CACNG2: variants seen among roughly 807,000 people sequenced by gnomAD.
CACNG2 encodes calcium voltage-gated channel auxiliary subunit gamma 2, also known as voltage-dependent calcium channel gamma-2 subunit.
A neutral mutation model predicts 25.9 loss-of-function variants in CACNG2; 3 were observed. The ratio of observed to expected loss-of-function variants is 0.12; its 90% CI spans 0.05 to 0.30. The LOEUF is 0.30. Among genes scored for constraint, CACNG2 ranks in the 10% least tolerant of loss-of-function variants. The pLI, the probability that CACNG2 is intolerant of heterozygous loss-of-function variation, is 1.00. For synonymous variants in CACNG2, 167 were observed against 173.3 expected, an observed-to-expected ratio of 0.96 and a Z score of 0.29; for missense variants, 341 against 432.5, an observed-to-expected ratio of 0.79 and a Z score of 1.88.
rs2145902944 is a variant in CACNG2 at position 36,564,262 on chromosome 22, T to A, written c.*89A>T. The A allele has an allele frequency of 8.5e-7, 1 of 1,181,102 alleles. No individual in the cohort carries two copies. Among genetic ancestry groups the A allele is most frequent in the East Asian group, 2.6e-5 (1 of 37,816 alleles). 73.2% of individuals were successfully genotyped at this position (1,181,102 alleles called of 1,614,324 possible). On this transcript the variant is annotated 3_prime_UTR_variant, in exon 4 of 4. Coordinates refer to ENST00000300105, the MANE Select transcript of CACNG2 (RefSeq NM_006078.5). This position sits in a 1 kb window ranked among gnomAD's most constrained non-coding sequence, Gnocchi z 6.7. ...TTTTTGTTTTTGCTTTTGGAAGGTC[T>A]CCCAGCGGAGGGTCTGGGTCTCCCC... is the stretch of plus-strand genomic sequence containing the variant.
intron 1 of CACNG2, among the ~76,000 whole-genome samples, chr22:36,634,844 T>C (rs1341208827): frequency 6.6e-6 from 1 of 152,234 alleles, no homozygotes; most frequent in African/African-American, 2.4e-5. Flanking sequence ...ATATCAGGCT[T>C]CTGAAGGATA....
rs1218408705 is a variant in CACNG2, at chr22:36,630,712, T to A, written c.212-43164A>T. ...TGAGCTTCCAGTGTAGATGTTTGCA[T>A]GGAAGGATGTGGTGGGAAGCAGAGA... is the stretch of plus-strand genomic sequence containing the variant. On this transcript the variant is annotated intron_variant, in intron 1 of 3. Transcript: ENST00000300105. 2.0e-5 allele frequency among the ~76,000 whole-genome samples: 3 copies of A among 151,822 alleles called. No individual in the cohort carries two copies. In the East Asian group the frequency reaches 5.8e-4, roughly 30 times the overall value.
chr22:36,575,236 G>A (rs1244669717), intron 2 of CACNG2, among the ~76,000 whole-genome samples: 1 of 152,222 alleles, frequency 6.6e-6, no homozygotes, highest in Non-Finnish European at 1.5e-5. Flanking sequence ...TTTTCTATGA[G>A]GGTGACAGAA....
At chr22:36,639,907 T>C (rs969694438) in intron 1 of CACNG2, among the ~76,000 whole-genome samples, 4 of 152,106 alleles carry the variant, frequency 2.6e-5, no homozygotes, top group African/African-American at 9.7e-5. Context: ...CCATCAACAC[T>C]TTTTGAGGAG....
rs797045426 is a variant in CACNG2 at position 36,564,893 on chromosome 22, G to T, written c.437-7C>A. The T allele has an allele frequency of 3.1e-6, 5 of 1,609,720 alleles. No individual in the cohort carries two copies. Among genetic ancestry groups the T allele is most frequent in the Non-Finnish European group, 4.2e-6 (5 of 1,179,752 alleles). ...CCAATGATGTTACTCAGACCTGCGG[G>T]GCGCAGGGTGGCGGGGTGGGGGATC... On this transcript the variant is annotated splice_polypyrimidine_tract_variant and splice_region_variant and intron_variant, in intron 3 of 3. Coordinates refer to ENST00000300105, the MANE Select transcript of CACNG2 (RefSeq NM_006078.5). This position sits in a 1 kb window ranked among gnomAD's most constrained non-coding sequence, Gnocchi z 6.7.
chr22:36,635,788 T>A (rs1375155384), intron 1 of CACNG2, among the ~76,000 whole-genome samples: 1 of 152,146 alleles, frequency 6.6e-6, no homozygotes, highest in Non-Finnish European at 1.5e-5. Context: ...ATCCCTCCAA[T>A]GTGGTCTTTT....
intron 1 of CACNG2, among the ~76,000 whole-genome samples, chr22:36,667,879 C>T (rs559255456): frequency 8.5e-5 from 13 of 152,286 alleles, no homozygotes; most frequent in African/African-American, 2.6e-4. Context: ...TTGCCAGACT[C>T]GGCTTCCTAA....
At chr22:36,655,376 C>G (rs1478177757) in intron 1 of CACNG2, among the ~76,000 whole-genome samples, 1 of 152,178 alleles carries the variant, frequency 6.6e-6, no homozygotes, top group Non-Finnish European at 1.5e-5. Flanking sequence ...GAAGCCTTTA[C>G]TCCTCTAGCA....
chr22:36,647,035 A>G (rs571413824), intron 1 of CACNG2, among the ~76,000 whole-genome samples: 1 of 152,250 alleles, frequency 6.6e-6, no homozygotes, highest in East Asian at 1.9e-4. Flanking sequence ...TGGATTAGCC[A>G]TATTGCAAAT....
At chr22:36,696,508 C>A (rs910190767) in intron 1 of CACNG2, among the ~76,000 whole-genome samples, 4 of 152,210 alleles carry the variant, frequency 2.6e-5, no homozygotes, top group African/African-American at 9.7e-5. Flanking sequence ...CACACTGTAG[C>A]AGGCAGTAGT....
chr22:36,627,939 G>A (rs534706033), intron 1 of CACNG2, among the ~76,000 whole-genome samples: 39 of 151,852 alleles, frequency 2.6e-4, no homozygotes, highest in Non-Finnish European at 5.6e-4. Flanking sequence ...AAAGATTAAG[G>A]ACTTGCAAAC....
chr22:36,609,136 G>A (rs943107012), intron 1 of CACNG2, among the ~76,000 whole-genome samples: 2 of 151,768 alleles, frequency 1.3e-5, no homozygotes, highest in African/African-American at 4.8e-5. Flanking sequence ...GAGTGTGATC[G>A]GGCAGGAATC....
intron 1 of CACNG2, among the ~76,000 whole-genome samples, chr22:36,613,374 C>T (rs1009976838): frequency 5.9e-5 from 9 of 151,696 alleles, no homozygotes; most frequent in Non-Finnish European, 2.9e-5. Context: ...CATTTCTATA[C>T]ATGTCCCTAC....
intron 1 of CACNG2, among the ~76,000 whole-genome samples, chr22:36,638,900 A>T (rs1936400137): frequency 6.6e-6 from 1 of 151,974 alleles, no homozygotes; most frequent in African/African-American, 2.4e-5. Flanking sequence ...ATATTTATAG[A>T]CTCCTGTTCA....
At chr22:36,637,450 T>C (rs1029327661) in intron 1 of CACNG2, among the ~76,000 whole-genome samples, 3 of 152,102 alleles carry the variant, frequency 2.0e-5, no homozygotes, top group African/African-American at 7.2e-5. Flanking sequence ...TGGGGATTCA[T>C]TTTCTTTAAA....
At chr22:36,610,005 A>G (rs1346166705) in intron 1 of CACNG2, among the ~76,000 whole-genome samples, 2 of 146,842 alleles carry the variant, frequency 1.4e-5, no homozygotes, top group African/African-American at 5.1e-5. Flanking sequence ...GTGATCAGGC[A>G]GGGATCAGTC....
chr22:36,633,506 A>G (rs998783504), intron 1 of CACNG2, among the ~76,000 whole-genome samples: 1 of 152,236 alleles, frequency 6.6e-6, no homozygotes, highest in Non-Finnish European at 1.5e-5. Context: ...GGATCCAAAC[A>G]GAATTACTGA....
At chr22:36,668,090 G>GGA (rs1288619607) in intron 1 of CACNG2, among the ~76,000 whole-genome samples, 1 of 152,240 alleles carries the variant, frequency 6.6e-6, no homozygotes, top group African/African-American at 2.4e-5. Flanking sequence ...GGGAGGGAAT[G>GGA]GAGGCTCACT....
At chr22:36,577,916 G>T (rs906933222) in intron 2 of CACNG2, among the ~76,000 whole-genome samples, 6 of 152,126 alleles carry the variant, frequency 3.9e-5, no homozygotes, top group Non-Finnish European at 5.9e-5. Flanking sequence ...GAGAGCCCTG[G>T]GCAGTGGACA....
Sources: allele counts gnomAD v4.1 joint callset (sites outside exome capture counted in the v4.1 genomes callset), GRCh38; gene constraint gnomAD v4.1.1; non-coding constraint Gnocchi (gnomAD v3.1); transcripts MANE v1.5; gene names NCBI Gene and HGNC (gene_info 2026-07-23, HGNC 2026-07-21).